Variants in KCNH1 observed in about 807,000 individuals in gnomAD.
KCNH1 encodes voltage-gated delayed rectifier potassium channel KCNH1.
KCNH1 carries 27 observed loss-of-function variants against 69.2 expected under a neutral mutation model. That is an observed-to-expected ratio of 0.39 (90% CI 0.29 to 0.54). The LOEUF is 0.54. Ranked by LOEUF, KCNH1 falls within the 20% of genes least tolerant of loss-of-function variation. The pLI, the probability that KCNH1 is intolerant of heterozygous loss-of-function variation, is 0.68. For synonymous variants in KCNH1, 456 were observed against 487.7 expected, an observed-to-expected ratio of 0.93 and a Z score of 0.86; for missense variants, 798 against 1,261.6, an observed-to-expected ratio of 0.63 and a Z score of 5.57.
At chr1:210,804,756 C>G (rs546915915) in intron 7 of KCNH1, among the ~76,000 whole-genome samples, 1 of 152,278 alleles carries the variant, frequency 6.6e-6, no homozygotes, top group Non-Finnish European at 1.5e-5. Flanking sequence ...TAAATAATAG[C>G]AAGTCTGCAG....
intron 6 of KCNH1, among the ~76,000 whole-genome samples, chr1:211,015,728 T>C (rs1260427365): frequency 6.6e-6 from 1 of 152,200 alleles, no homozygotes; most frequent in African/African-American, 2.4e-5. Context: ...AAGATGTAGA[T>C]AGGAAAACCA....
chr1:210,990,767 C>A (rs1429594965), intron 6 of KCNH1, among the ~76,000 whole-genome samples: 1 of 152,020 alleles, frequency 6.6e-6, no homozygotes, highest in Non-Finnish European at 1.5e-5. Flanking sequence ...CATATTAGGA[C>A]CTCAATAAAT....
chr1:210,798,298 C>G (rs1684362288), intron 8 of KCNH1, among the ~76,000 whole-genome samples: 1 of 152,134 alleles, frequency 6.6e-6, no homozygotes, highest in African/African-American at 2.4e-5. Flanking sequence ...CTCGGCCTCC[C>G]AAAGTGCTGG....
chr1:211,081,246 T>C (rs1320812143), intron 5 of KCNH1, among the ~76,000 whole-genome samples: 2 of 152,080 alleles, frequency 1.3e-5, no homozygotes, highest in African/African-American at 2.4e-5. Context: ...ATTAGAGAAA[T>C]GCAAATCAAA....
At chr1:210,807,838 C>G (rs1030773400) in intron 7 of KCNH1, among the ~76,000 whole-genome samples, 1 of 152,008 alleles carries the variant, frequency 6.6e-6, no homozygotes, top group Non-Finnish European at 1.5e-5. Context: ...AGCTGACATA[C>G]TATGGGAGGC....
intron 9 of KCNH1, among the ~76,000 whole-genome samples, chr1:210,794,315 G>C (rs1684264631): frequency 6.6e-6 from 1 of 152,134 alleles, no homozygotes; most frequent in South Asian, 2.1e-4. Context: ...CTACTTTACA[G>C]ACTCAATCTG....
At chr1:210,806,660 C>T (rs1684555798) in intron 7 of KCNH1, among the ~76,000 whole-genome samples, 1 of 150,442 alleles carries the variant, frequency 6.6e-6, no homozygotes, top group Non-Finnish European at 1.5e-5. Context: ...AATAATAGTT[C>T]ATGTCTCTTT....
rs992589748 is a variant in KCNH1 at position 210,917,462 on chromosome 1, C to T, written c.1462+2178G>A. 4.6e-5 allele frequency among the ~76,000 whole-genome samples: 7 copies of T among 152,108 alleles called. No individual in the cohort carries two copies. The South Asian group carries it at 1.0e-3, about 23-fold the overall frequency. ...TCCAAGAAATTGTGCTTTCCATAGACGACTCATTTTGGGGAAAACAAAAAA... is the reference window on the plus strand; with the variant it reads ...TCCAAGAAATTGTGCTTTCCATAGATGACTCATTTTGGGGAAAACAAAAAA... On this transcript the variant is annotated intron_variant, in intron 7 of 10. Coordinates refer to ENST00000271751, the MANE Select transcript of KCNH1 (RefSeq NM_172362.3).
At chr1:210,920,428 A>G (rs1282435581) in intron 6 of KCNH1, among the ~76,000 whole-genome samples, 2 of 152,180 alleles carry the variant, frequency 1.3e-5, no homozygotes, top group Non-Finnish European at 2.9e-5. Context: ...ATATTGCATA[A>G]TATGAAAAAT....
chr1:210,988,991 T>C (rs968714737), intron 6 of KCNH1, among the ~76,000 whole-genome samples: 1 of 152,228 alleles, frequency 6.6e-6, no homozygotes, highest in Non-Finnish European at 1.5e-5. Context: ...TAATAGATGT[T>C]CAATGTAGCT....
intron 9 of KCNH1, among the ~76,000 whole-genome samples, chr1:210,783,561 T>C (rs1684033028): frequency 6.6e-6 from 1 of 152,186 alleles, no homozygotes; most frequent in South Asian, 2.1e-4. Flanking sequence ...CAATTTCAGA[T>C]CATTTCCTTA....
intron 7 of KCNH1, among the ~76,000 whole-genome samples, chr1:210,884,826 C>T (rs893612592): frequency 5.9e-5 from 9 of 152,206 alleles, no homozygotes; most frequent in Non-Finnish European, 1.0e-4. Context: ...GATGGCTTAA[C>T]GGCATATTCA....
chr1:211,016,792 C>T (rs1403698597), intron 6 of KCNH1, among the ~76,000 whole-genome samples: 1 of 150,482 alleles, frequency 6.6e-6, no homozygotes, highest in African/African-American at 2.4e-5. Context: ...GCCTATAATC[C>T]CAGCTACTTG....
At chr1:210,887,402 A>G (rs532744493) in intron 7 of KCNH1, among the ~76,000 whole-genome samples, 135 of 152,314 alleles carry the variant, frequency 8.9e-4, no homozygotes, top group Admixed American at 1.9e-3. Context: ...GAAGCACTAA[A>G]TATGGAAAGG....
chr1:210,989,379 C>T (rs571883908), intron 6 of KCNH1, among the ~76,000 whole-genome samples: 13 of 152,282 alleles, frequency 8.5e-5, no homozygotes, highest in East Asian at 5.8e-4. Flanking sequence ...GTTATAGCCA[C>T]GAGCTGAGAT....
chr1:210,991,323 G>A (rs545674676), intron 6 of KCNH1, among the ~76,000 whole-genome samples: 1 of 152,168 alleles, frequency 6.6e-6, no homozygotes, highest in South Asian at 2.1e-4. Flanking sequence ...GGTAAACCTG[G>A]AAGACATTAT....
chr1:210,889,938 G>A (rs1686708930), intron 7 of KCNH1, among the ~76,000 whole-genome samples: 1 of 152,156 alleles, frequency 6.6e-6, no homozygotes, highest in Non-Finnish European at 1.5e-5. Flanking sequence ...TGGATAGGAA[G>A]AATCAGTATC....
At chr1:210,849,342 CGT>C (rs1436321358) in intron 7 of KCNH1, among the ~76,000 whole-genome samples, 3 of 146,504 alleles carry the variant, frequency 2.0e-5, no homozygotes, top group Non-Finnish European at 4.5e-5. Flanking sequence ...CCTTTTTTTG[CGT>C]GTGTGTGCTT....
chr1:210,867,358 C>CAT (rs1385226689), intron 7 of KCNH1, among the ~76,000 whole-genome samples: 5 of 106,776 alleles, frequency 4.7e-5, no homozygotes, highest in African/African-American at 1.5e-4. Context: ...CACACACACA[C>CAT]ACACATATAT....
Sources: gnomAD v4.1 joint callset for allele counts (sites outside exome capture counted in the v4.1 genomes callset) on GRCh38, gnomAD v4.1.1 for gene constraint, MANE v1.5 for transcripts, NCBI Gene and HGNC (gene_info 2026-07-23, HGNC 2026-07-21) for gene names.